Variants in DDX31 observed in about 807,000 individuals in gnomAD.
DDX31 encodes ATP-dependent DNA helicase DDX31.
Under a neutral mutation model 91.3 loss-of-function variants are expected in DDX31, and 70 were observed. That is an observed-to-expected ratio of 0.77 (90% confidence interval 0.63 to 0.94). The LOEUF (loss-of-function observed/expected upper bound fraction) is 0.94. Among genes scored for constraint, DDX31 ranks in the 40% least tolerant of loss-of-function variants. DDX31 has a pLI of 0.00. For missense variants in DDX31, 902 were observed against 925.0 expected (o/e 0.98, Z 0.32); for synonymous variants, 362 against 350.6 (o/e 1.03, Z -0.36).
intron 1 of DDX31, among the ~76,000 whole-genome samples, chr9:132,668,369 A>G (rs1835451544): frequency 1.3e-5 from 2 of 152,122 alleles, no homozygotes; most frequent in African/African-American, 2.4e-5. Context: ...AATCTGTCCC[A>G]TTTTTGAAAG....
At chr9:132,603,856 G>C (rs1370485413) in intron 19 of DDX31, among the ~76,000 whole-genome samples, 1 of 152,200 alleles carries the variant, frequency 6.6e-6, no homozygotes, top group Non-Finnish European at 1.5e-5. Flanking sequence ...TGTGGAGGAA[G>C]CTCAGGGTCA....
rs1350666628 is a variant in DDX31, at chr9:132,658,011, A to G, written c.588+660T>C. ...AAGTTCAGCCTTCTTGGTCAAAAGCAAACACCACATTGGAACTTAGAAGGT... is the reference window on the plus strand; with the variant it reads ...AAGTTCAGCCTTCTTGGTCAAAAGCGAACACCACATTGGAACTTAGAAGGT... On this transcript the variant is annotated intron_variant, in intron 6 of 19. Coordinates refer to ENST00000372159, the MANE Select transcript of DDX31 (RefSeq NM_022779.9). 2.4e-5 allele frequency: 8 copies of G among 336,796 alleles called. 1 individual carries two copies. The East Asian group carries it at 3.2e-4, about 14-fold the overall frequency. The allele number at this position is 336,796 out of a possible 1,614,324, so 20.9% of individuals were successfully genotyped here. A position where few individuals can be genotyped will look rare whatever the true frequency, so the allele number is the denominator to read the frequency against.
At chr9:132,624,166 CAAAAAAAAA>C (rs4021852) in intron 17 of DDX31, among the ~76,000 whole-genome samples, 13 of 71,464 alleles carry the variant, frequency 1.8e-4, no homozygotes, top group African/African-American at 3.4e-4. Flanking sequence ...GACTCCGTCT[CAAAAAAAAA>C]AAAAAAAAAA....
At chr9:132,665,078 T>C (rs1299054383) in intron 1 of DDX31, among the ~76,000 whole-genome samples, 1 of 152,200 alleles carries the variant, frequency 6.6e-6, no homozygotes. Context: ...AGCACGGAAC[T>C]CGTTGTTTTA....
intron 1 of DDX31, among the ~76,000 whole-genome samples, chr9:132,664,200 C>T (rs1835161788): frequency 6.6e-6 from 1 of 152,248 alleles, no homozygotes; most frequent in Non-Finnish European, 1.5e-5. Context: ...TGCAGCAACA[C>T]AGAACAAGCT....
Position 132,647,047 on chromosome 9 carries a change from G to A in DDX31, c.979C>T (p.Leu327=). The A allele has an allele frequency of 6.2e-7, 1 of 1,611,646 alleles. No homozygotes were observed. The highest frequency in any genetic ancestry group is 8.5e-7 in the Non-Finnish European group (1 of 1,179,174). The part of the protein sequence containing the change: ...SATLTEGVTR[L]ADISLHDPVS... The stretch of plus-strand genomic sequence containing the variant: ...GGATCATGCAAACTGATATCAGCTA[G>A]CCGCGTTACACCTTGGATAAAAGTA... The change falls in exon 12 of 20, where the codon CTA becomes TTA. Residue 327 remains leucine (L), a synonymous_variant. Coordinates refer to ENST00000372159, the MANE Select transcript of DDX31 (RefSeq NM_022779.9).
intron 16 of DDX31, among the ~76,000 whole-genome samples, chr9:132,628,734 C>T (rs192923575): frequency 2.0e-5 from 3 of 152,140 alleles, no homozygotes; most frequent in African/African-American, 4.8e-5. Context: ...CAGAGAGCTG[C>T]GGCCAGGAAG....
chr9:132,631,979 T>C, intron 15 of DDX31, 62 bp downstream of exon 15: 2 of 1,433,536 alleles, frequency 1.4e-6, no homozygotes, highest in South Asian at 2.5e-5. Context: ...TTAAAGCCAA[T>C]GCATCTACTC....
In DDX31 at chr9:132,662,708, C is replaced by G. The variant is rs1419258549; in HGVS notation, c.76-13G>C. On this transcript the variant is annotated splice_polypyrimidine_tract_variant and intron_variant, in intron 1 of 19. Coordinates refer to ENST00000372159, the MANE Select transcript of DDX31 (RefSeq NM_022779.9). Reference sequence around the variant, plus strand: ...TAGCCTTTGCTTGCTGCGTTGTTCCCAGAAGGAAAGATCAACAAGAGATGC... The same window carrying G: ...TAGCCTTTGCTTGCTGCGTTGTTCCGAGAAGGAAAGATCAACAAGAGATGC... 1 of 1,613,714 alleles carries G rather than the reference C, an allele frequency of 6.2e-7. No individual in the cohort carries two copies. The highest frequency in any genetic ancestry group is 1.7e-5 in the Admixed American group (1 of 59,926).
intron 14 of DDX31, chr9:132,638,194 A>G: frequency 6.8e-7 from 1 of 1,473,940 alleles, no homozygotes; most frequent in Non-Finnish European, 9.0e-7. Context: ...ATCCAGGGAC[A>G]ATCAAGGACA....
intron 16 of DDX31, 75 bp from the exon 17 acceptor site, chr9:132,625,820 G>T: frequency 9.0e-7 from 1 of 1,113,368 alleles, no homozygotes; most frequent in Non-Finnish European, 1.3e-6. Context: ...CACAAAACTG[G>T]CCTATTCTTG....
chr9:132,660,202 G>A (rs758535153), intron 4 of DDX31, among the ~76,000 whole-genome samples: 3 of 151,948 alleles, frequency 2.0e-5, no homozygotes, highest in African/African-American at 4.8e-5. Context: ...GGGAGTGATG[G>A]CACGCACTTG....
rs1322548276 is a variant in DDX31 at position 132,662,480 on chromosome 9, T to G, written c.291A>C (p.Ser97=). The G allele has an allele frequency of 6.2e-7, 1 of 1,614,098 alleles. No homozygotes were observed. Among genetic ancestry groups the G allele is most frequent in the African/African-American group, 1.3e-5 (1 of 74,948 alleles). Residue 97 remains serine (S), a synonymous_variant, in exon 2 of 20, where the codon TCA becomes TCC. Coordinates refer to ENST00000372159, the MANE Select transcript of DDX31 (RefSeq NM_022779.9). ...TGTCAGGGTTGTTTTTAAACAGTGATGAAGTCTTAATGCACTGTCTCTCCT... is the reference window on the plus strand; with the variant it reads ...TGTCAGGGTTGTTTTTAAACAGTGAGGAAGTCTTAATGCACTGTCTCTCCT... ...NQEERQCIKT[S]SLFKNNPDIP... is the part of the protein sequence containing the mutation.
In DDX31 at chr9:132,648,725, C is replaced by T. The variant is rs139417559; in HGVS notation, c.741-174G>A. Among the ~76,000 whole-genome samples the T allele has an allele frequency of 3.5e-3, 531 of 152,184 alleles. 3 individuals are homozygous for T. Among genetic ancestry groups the T allele is most frequent in the African/African-American group, 0.012 (510 of 41,522 alleles). On this transcript the variant is annotated intron_variant, in intron 9 of 19. Coordinates refer to ENST00000372159, the MANE Select transcript of DDX31 (RefSeq NM_022779.9). Reference sequence around the variant, plus strand: ...GTAGAAAGCTGTACTTGAGTCTTTCCCTGTACTGTGAAATGCAATTGTTAA... The same window carrying T: ...GTAGAAAGCTGTACTTGAGTCTTTCTCTGTACTGTGAAATGCAATTGTTAA...
rs1185287304 is a variant in DDX31 at position 132,651,199 on chromosome 9, CA to C, written c.634-84del. The C allele has an allele frequency of 3.5e-6, 4 of 1,138,882 alleles. No homozygotes were observed. The African/African-American group carries it at 4.8e-5, about 14-fold the overall frequency. The allele number at this position is 1,138,882 out of a possible 1,614,324, so 70.5% of individuals were successfully genotyped here. A position where few individuals can be genotyped will look rare whatever the true frequency, so the allele number is the denominator to read the frequency against. On this transcript the variant is annotated intron_variant, in intron 7 of 19. Coordinates refer to ENST00000372159, the MANE Select transcript of DDX31 (RefSeq NM_022779.9). Reference sequence around the variant, plus strand: ...AAGACAATTTAATGTGATTAGGATCCAAACTTGGACCTCAAGTTAAGATTTA... The same window carrying C: ...AAGACAATTTAATGTGATTAGGATCCAACTTGGACCTCAAGTTAAGATTTA...
chr9:132,634,590 T>G (rs1270681900), intron 14 of DDX31, among the ~76,000 whole-genome samples: 3 of 148,926 alleles, frequency 2.0e-5, no homozygotes, highest in African/African-American at 5.0e-5. Context: ...AAGATGTTTT[T>G]TTTTTTTTTT....
intron 14 of DDX31, among the ~76,000 whole-genome samples, chr9:132,636,864 G>A (rs1447722140): frequency 6.6e-6 from 1 of 152,132 alleles, no homozygotes; most frequent in Non-Finnish European, 1.5e-5. Flanking sequence ...TCCCACTTAG[G>A]GGCTGTCCAA....
At chr9:132,632,591 A>G (rs761109749) in intron 14 of DDX31, among the ~76,000 whole-genome samples, 52 of 152,224 alleles carry the variant, frequency 3.4e-4, no homozygotes, top group African/African-American at 9.1e-4. Flanking sequence ...GCAACGCCTA[A>G]CAAGCTGGCC....
chr9:132,669,271 C>G (rs1835549770), intron 1 of DDX31, among the ~76,000 whole-genome samples: 1 of 128,606 alleles, frequency 7.8e-6, no homozygotes, highest in African/African-American at 3.0e-5. Context: ...CCCCAAAGAA[C>G]AGCTTTGCAA....
Sources: allele counts gnomAD v4.1 joint callset (sites outside exome capture counted in the v4.1 genomes callset), GRCh38; gene constraint gnomAD v4.1.1; transcripts MANE v1.5; gene names NCBI Gene and HGNC (gene_info 2026-07-23, HGNC 2026-07-21).